TTLL7: variants seen among roughly 807,000 people sequenced by gnomAD.
TTLL7 encodes the protein tubulin polyglutamylase TTLL7.
TTLL7 carries 53 observed loss-of-function variants against 120.2 expected under a neutral mutation model. The ratio of observed to expected loss-of-function variants is 0.44; its 90% CI spans 0.35 to 0.55. TTLL7 has a LOEUF of 0.55. TTLL7 is among the 20% of genes least tolerant of loss of function. The pLI, the probability that TTLL7 is intolerant of heterozygous loss-of-function variation, is 0.00. For missense variants in TTLL7, 803 were observed against 1,054.7 expected (o/e 0.76, Z 3.31); for synonymous variants, 353 against 351.7 (o/e 1.00, Z -0.04).
intron 13 of TTLL7, 59 bp from the exon 14 acceptor site, chr1:83,917,749 GT>G (rs1658315073): frequency 8.7e-7 from 1 of 1,154,648 alleles, no homozygotes; most frequent in Non-Finnish European, 1.3e-6. Context: ...ATTTTTCCAA[GT>G]TGATTAATCT....
intron 5 of TTLL7, chr1:83,947,631 T>C (rs1370636514): frequency 1.1e-5 from 2 of 181,288 alleles, no homozygotes; most frequent in Non-Finnish European, 1.1e-5. Context: ...AATATATACA[T>C]AGGCTATTAA....
At position 83,866,515 on chromosome 1, in the gene TTLL7, C is replaced by CT. The variant is rs1360232083; in HGVS notation, c.*3446dup. 4 of 151,600 alleles carry CT rather than the reference C, an allele frequency of 2.6e-5. No homozygotes were observed. Among genetic ancestry groups the CT allele is most frequent in the Non-Finnish European group, 5.9e-5 (4 of 67,720 alleles). 9.4% of individuals were successfully genotyped at this position (151,600 alleles called of 1,614,324 possible). A position where few individuals can be genotyped will look rare whatever the true frequency, so the allele number is the denominator to read the frequency against. On this transcript the variant is annotated 3_prime_UTR_variant, in exon 21 of 21. Coordinates refer to ENST00000260505, the MANE Select transcript of TTLL7 (RefSeq NM_024686.6). ...ATTAGATGAAAAGAAGTTTAGGTTT[C>CT]TTCATTTGGGTTTGGTTTGGTTTTA...
In TTLL7 at chr1:83,921,339, G is replaced by T. The variant is rs1658645056; in HGVS notation, c.1198C>A (p.Leu400Ile). 1 of 1,612,274 alleles carries T rather than the reference G, an allele frequency of 6.2e-7. No homozygotes were observed. Among genetic ancestry groups the T allele is most frequent in the Admixed American group, 1.7e-5 (1 of 59,942 alleles). The change falls in exon 11 of 21, where the codon CTC (leucine) becomes ATC (isoleucine). Residue 400 changes from leucine to isoleucine, a missense_variant. Leu to Ile is a conservative substitution (Grantham distance 5, BLOSUM62 2). Transcript: ENST00000260505. ...CTTTTAATTGAATTTTGACCATAGAGCCTCCTTTGAGCCTCAGCTTTTTGT... is the reference window on the plus strand; with the variant it reads ...CTTTTAATTGAATTTTGACCATAGATCCTCCTTTGAGCCTCAGCTTTTTGT... ...AKQKAEAQRRLYGQNSIKRLL... is the reference protein window; with the variant it reads ...AKQKAEAQRRIYGQNSIKRLL...
At chr1:83,946,797 T>A (rs1190664609) in intron 6 of TTLL7, among the ~76,000 whole-genome samples, 1 of 152,232 alleles carries the variant, frequency 6.6e-6, no homozygotes, top group African/African-American at 2.4e-5. Flanking sequence ...CAACTGATTT[T>A]ACTCTCCAAG....
At chr1:83,997,144 C>T (rs535721018) in intron 1 of TTLL7, among the ~76,000 whole-genome samples, 22 of 152,272 alleles carry the variant, frequency 1.4e-4, no homozygotes, top group Admixed American at 1.3e-3. Context: ...TTTATCAATA[C>T]CCCCGTTAAC....
intron 8 of TTLL7, 46 bp from the exon 9 acceptor site, chr1:83,933,812 T>C: frequency 6.4e-7 from 1 of 1,569,134 alleles, no homozygotes; most frequent in Non-Finnish European, 8.7e-7. Flanking sequence ...TGTATCTCAT[T>C]TCATATGTGC....
At chr1:83,982,241 A>G (rs1437273930) in intron 1 of TTLL7, among the ~76,000 whole-genome samples, 3 of 152,234 alleles carry the variant, frequency 2.0e-5, no homozygotes, top group Non-Finnish European at 1.5e-5. Context: ...AAAAGAAAAC[A>G]TAACAGAATC....
At chr1:83,900,608 A>C (rs773311980) in intron 18 of TTLL7, among the ~76,000 whole-genome samples, 1 of 151,974 alleles carries the variant, frequency 6.6e-6, no homozygotes, top group Non-Finnish European at 1.5e-5. Context: ...CCTCAACACA[A>C]AACAAACGCA....
chr1:83,873,241 G>A (rs1423893567), intron 20 of TTLL7, among the ~76,000 whole-genome samples: 1 of 152,238 alleles, frequency 6.6e-6, no homozygotes, highest in East Asian at 1.9e-4. Flanking sequence ...AATTACATTG[G>A]AAGAAACACT....
Position 83,984,487 on chromosome 1 carries a change from C to T in TTLL7, c.-177+14444G>A, listed in dbSNP as rs564360626. ...ATGCACTTGTATAATATGTTCACTG[C>T]AGCACTATTCACAATAGCAAAGACA... On this transcript the variant is annotated intron_variant, in intron 1 of 20. Coordinates refer to ENST00000260505, the MANE Select transcript of TTLL7 (RefSeq NM_024686.6). 6.6e-5 allele frequency among the ~76,000 whole-genome samples: 10 copies of T among 152,300 alleles called. No homozygotes were observed. The South Asian group carries it at 1.7e-3, about 25-fold the overall frequency.
At chr1:83,933,880 A>G in intron 8 of TTLL7, 114 bp from the exon 9 acceptor site, 1 of 932,686 alleles carries the variant, frequency 1.1e-6, no homozygotes, top group Non-Finnish European at 1.6e-6. Flanking sequence ...GCTCTGTGGC[A>G]TCTAGCCCCT....
chr1:83,964,577 C>G (rs960340305), intron 1 of TTLL7, among the ~76,000 whole-genome samples: 3 of 152,028 alleles, frequency 2.0e-5, no homozygotes. Flanking sequence ...TTGGGTGTTC[C>G]AGCAAGAAAA....
chr1:83,902,773 A>G (rs2100754739), intron 18 of TTLL7, among the ~76,000 whole-genome samples: 1 of 151,988 alleles, frequency 6.6e-6, no homozygotes, highest in Non-Finnish European at 1.5e-5. Flanking sequence ...TTAGCCCTAA[A>G]CTCAAAACTC....
At chr1:83,959,773 G>C (rs1484869708) in intron 1 of TTLL7, among the ~76,000 whole-genome samples, 2 of 152,074 alleles carry the variant, frequency 1.3e-5, no homozygotes, top group Non-Finnish European at 2.9e-5. Context: ...ACACCAACAA[G>C]GGAGTGAAGA....
intron 20 of TTLL7, among the ~76,000 whole-genome samples, chr1:83,878,128 GC>G (rs752844239): frequency 1.3e-5 from 2 of 150,684 alleles, no homozygotes; most frequent in Non-Finnish European, 3.0e-5. Context: ...TTGTTTTCCA[GC>G]TTAAAGGCAT....
chr1:83,939,895 C>T (rs1421951640), intron 7 of TTLL7, among the ~76,000 whole-genome samples: 1 of 152,088 alleles, frequency 6.6e-6, no homozygotes, highest in East Asian at 1.9e-4. Flanking sequence ...AATGAGAGCA[C>T]TTTGGTTTAA....
chr1:83,913,103 T>C (rs1185141041), intron 14 of TTLL7: 2 of 152,146 alleles, frequency 1.3e-5, no homozygotes, highest in Non-Finnish European at 2.9e-5. Context: ...CACTTGGGAC[T>C]TTTTGACCAA....
intron 13 of TTLL7, among the ~76,000 whole-genome samples, chr1:83,917,974 A>G (rs1557637290): frequency 6.6e-6 from 1 of 152,186 alleles, no homozygotes; most frequent in Non-Finnish European, 1.5e-5. Context: ...TTAGAGTATA[A>G]TACTTCAATA....
intron 1 of TTLL7, among the ~76,000 whole-genome samples, chr1:83,962,587 A>C (rs1007044114): frequency 1.3e-5 from 2 of 152,124 alleles, no homozygotes; most frequent in Non-Finnish European, 2.9e-5. Context: ...TACTAATAAA[A>C]CACCTATTCC....
Sources: gnomAD v4.1 joint callset for allele counts (sites outside exome capture counted in the v4.1 genomes callset) on GRCh38, gnomAD v4.1.1 for gene constraint, MANE v1.5 for transcripts, NCBI Gene and HGNC (gene_info 2026-07-23, HGNC 2026-07-21) for gene names.